The following DSG1 variants were observed in gnomAD, a reference collection of about 807,000 sequenced individuals.
The protein encoded by DSG1 is desmoglein 1.
In DSG1, 39 loss-of-function variants were observed where a neutral mutation model predicts 97.5. The observed-to-expected ratio is 0.40, with a 90% confidence interval of 0.31 to 0.52. The LOEUF (loss-of-function observed/expected upper bound fraction) is 0.52. Among genes scored for constraint, DSG1 ranks in the 20% least tolerant of loss-of-function variants. DSG1 has a pLI of 0.53. For missense variants in DSG1, 1,311 were observed against 1,295.4 expected (o/e 1.01, Z -0.18); for synonymous variants, 475 against 443.4 (o/e 1.07, Z -0.90).
chr18:31,333,724 G>A lies in DSG1; in HGVS notation c.819+1G>A. ...TATCCCTTACATGGAACAGTCTTCA[G>A]TAAGTATTTGTTCTTGGAATTAATA... On this transcript the variant is annotated splice_donor_variant, in intron 7 of 14. Transcript: ENST00000257192. LOFTEE classifies it high-confidence loss of function. 1 of 1,613,466 alleles carries A rather than the reference G, an allele frequency of 6.2e-7. No individual in the cohort carries two copies. Among genetic ancestry groups the A allele is most frequent in the Non-Finnish European group, 8.5e-7 (1 of 1,179,476 alleles).
At chr18:31,322,096 T>C (rs1381477590) in intron 1 of DSG1, among the ~76,000 whole-genome samples, 8 of 152,372 alleles carry the variant, frequency 5.3e-5, no homozygotes, top group Admixed American at 5.2e-4. Context: ...TCTATGAGAA[T>C]AGGCCACAGT....
At chr18:31,337,895 CAG>C (rs1013771694) in intron 9 of DSG1, among the ~76,000 whole-genome samples, 30 of 152,208 alleles carry the variant, frequency 2.0e-4, no homozygotes, top group South Asian at 4.1e-4. Context: ...GGAGCAGAAA[CAG>C]GGGGGAAGTT....
At chr18:31,330,075 C>T (rs943681941) in intron 5 of DSG1, 39 bp downstream of exon 5, 2 of 1,609,830 alleles carry the variant, frequency 1.2e-6, no homozygotes, top group Non-Finnish European at 1.7e-6. Context: ...TCCTAACAGC[C>T]AGGCACCTAA....
intron 1 of DSG1, among the ~76,000 whole-genome samples, chr18:31,324,298 T>A (rs868072111): frequency 6.6e-6 from 1 of 151,618 alleles, no homozygotes; most frequent in Middle Eastern, 3.2e-3. Flanking sequence ...TTCCTTTTTT[T>A]TTTTTTTGTT....
At chr18:31,318,423 G>A in intron 1 of DSG1, 75 bp downstream of exon 1, 1 of 1,189,534 alleles carries the variant, frequency 8.4e-7, no homozygotes, top group Non-Finnish European at 1.3e-6. Flanking sequence ...GAAAATGTTA[G>A]TGGGCATTAT....
At chr18:31,320,376 A>G (rs574415597) in intron 1 of DSG1, among the ~76,000 whole-genome samples, 2 of 152,282 alleles carry the variant, frequency 1.3e-5, no homozygotes, top group African/African-American at 4.8e-5. Context: ...GTATTTGTAC[A>G]ATTGTTAAGG....
intron 7 of DSG1, 128 bp from the exon 8 acceptor site, chr18:31,333,889 T>A: frequency 8.7e-7 from 1 of 1,149,622 alleles, no homozygotes; most frequent in East Asian, 2.4e-5. Context: ...AGTTAAGCAA[T>A]GAAAAATGAG....
rs1207038430 is a variant in DSG1 at position 31,355,821 on chromosome 18, G to A, written c.*475G>A. The A allele has an allele frequency of 1.2e-5, 2 of 162,650 alleles. No homozygotes were observed. The highest frequency in any genetic ancestry group is 4.8e-5 in the African/African-American group (2 of 41,584). 10.1% of individuals were successfully genotyped at this position (162,650 alleles called of 1,614,324 possible). A position where few individuals can be genotyped will look rare whatever the true frequency, so the allele number is the denominator to read the frequency against. On this transcript the variant is annotated 3_prime_UTR_variant, in exon 15 of 15. Transcript: ENST00000257192. ...AATTCAACCACAGATTTATACAAGG[G>A]TTAACCATTTTTTTTAAGTTTGACT...
intron 1 of DSG1, among the ~76,000 whole-genome samples, chr18:31,323,628 G>T (rs370591286): frequency 1.3e-5 from 2 of 151,592 alleles, no homozygotes; most frequent in East Asian, 1.9e-4. Flanking sequence ...AAATCCTTAG[G>T]TTACCCTCTC....
rs2071954405 is a variant in DSG1, at chr18:31,355,971, G to A, written c.*625G>A. 6.5e-6 allele frequency: 1 copy of A among 153,620 alleles called. No homozygotes were observed. Among genetic ancestry groups the A allele is most frequent in the Non-Finnish European group, 1.4e-5 (1 of 69,136 alleles). The allele number at this position is 153,620 out of a possible 1,614,324, so 9.5% of individuals were successfully genotyped here. A position where few individuals can be genotyped will look rare whatever the true frequency, so the allele number is the denominator to read the frequency against. ...CATTAGAGAGTGGCAATAGGATGAGGTTTCTTCAGGGTAAACTAGCAATGC... is the reference window on the plus strand; with the variant it reads ...CATTAGAGAGTGGCAATAGGATGAGATTTCTTCAGGGTAAACTAGCAATGC... On this transcript the variant is annotated 3_prime_UTR_variant, in exon 15 of 15. Transcript: ENST00000257192.
At position 31,354,979 on chromosome 18, in the gene DSG1, A is replaced by C. The variant is rs909513516; in HGVS notation, c.2783A>C (p.Gln928Pro). The C allele has an allele frequency of 2.5e-6, 4 of 1,614,106 alleles. No individual in the cohort carries two copies. The highest frequency in any genetic ancestry group is 1.7e-5 in the Admixed American group (1 of 60,008). ...GTGGTAGTGACAGAAAGAGTAATCC[A>C]ACCAACTTCCGGCATGATAGGTAGT... ...SNVVVTERVI[Q>P]PTSGMIGSLS... Residue 928 changes from glutamine to proline, a missense_variant, in exon 15 of 15, where the codon CAA becomes CCA. Physicochemically the swap from Gln to Pro is moderately conservative, Grantham distance 76. Transcript: ENST00000257192.
At position 31,354,554 on chromosome 18, in the gene DSG1, T is replaced by C. The variant is rs1273692954; in HGVS notation, c.2358T>C (p.Pro786=). 1 of 1,614,044 alleles carries C rather than the reference T, an allele frequency of 6.2e-7. No homozygotes were observed. The highest frequency in any genetic ancestry group is 8.5e-7 in the Non-Finnish European group (1 of 1,180,038). The stretch of plus-strand genomic sequence containing the variant: ...AAAGCACTGAACCAGTTTGCCTTCC[T>C]CAGGAAACAGAGCCCGTTGTTAGTG... ...PPQSTEPVCL[P]QETEPVVSGH... The change falls in exon 15 of 15, where the codon CCT becomes CCC. Residue 786 remains proline, a synonymous_variant. Coordinates refer to ENST00000257192, the MANE Select transcript of DSG1 (RefSeq NM_001942.4).
chr18:31,326,859 T>C lies in DSG1; in HGVS notation c.85-15T>C, dbSNP rs369939453. 1.4e-5 allele frequency: 23 copies of C among 1,612,372 alleles called. No homozygotes were observed. Among genetic ancestry groups the C allele is most frequent in the Non-Finnish European group, 2.0e-5 (23 of 1,178,580 alleles). On this transcript the variant is annotated splice_polypyrimidine_tract_variant and intron_variant, in intron 2 of 14. Coordinates refer to ENST00000257192, the MANE Select transcript of DSG1 (RefSeq NM_001942.4). ...CAAATTAATATATACCATTTCTTTA[T>C]TGCTGTCATTTAAGGTAAGAGATTA... is the stretch of plus-strand genomic sequence containing the variant.
chr18:31,340,109 C>G, intron 11 of DSG1, 84 bp downstream of exon 11: 1 of 1,372,908 alleles, frequency 7.3e-7, no homozygotes, highest in South Asian at 1.3e-5. Flanking sequence ...TTTGATAAAA[C>G]GTATTTTACA....
At chr18:31,332,265 G>A (rs1267564090) in intron 6 of DSG1, among the ~76,000 whole-genome samples, 1 of 152,036 alleles carries the variant, frequency 6.6e-6, no homozygotes, top group Non-Finnish European at 1.5e-5. Flanking sequence ...CGAGTATGCT[G>A]GAGGCTCCAG....
chr18:31,319,179 A>G (rs970473174), intron 1 of DSG1, among the ~76,000 whole-genome samples: 1 of 152,212 alleles, frequency 6.6e-6, no homozygotes, highest in African/African-American at 2.4e-5. Flanking sequence ...CTAATGTATT[A>G]TGTCAATTTC....
intron 14 of DSG1, 177 bp from the exon 15 acceptor site, chr18:31,354,120 C>A: frequency 1.6e-6 from 1 of 616,770 alleles, no homozygotes; most frequent in East Asian, 2.8e-5. Context: ...TGATTTCTAA[C>A]CAAATTATTT....
At chr18:31,319,053 G>A (rs2071637557) in intron 1 of DSG1, among the ~76,000 whole-genome samples, 1 of 152,150 alleles carries the variant, frequency 6.6e-6, no homozygotes, top group Admixed American at 6.5e-5. Context: ...TGTCAGTGAT[G>A]ACTGCGATAT....
chr18:31,333,837 T>C lies in DSG1; in HGVS notation c.819+114T>C. ...TGTTTATTGACATACAACCCAAATG[T>C]AGACACATACTTTTTTCTTGTGTTT... On this transcript the variant is annotated intron_variant, in intron 7 of 14. Transcript: ENST00000257192. The C allele has an allele frequency of 5.2e-6, 7 of 1,336,016 alleles. No individual in the cohort carries two copies. In the African/African-American group the frequency reaches 5.8e-5, roughly 11 times the overall value. 82.8% of individuals were successfully genotyped at this position (1,336,016 alleles called of 1,614,324 possible). A position where few individuals can be genotyped will look rare whatever the true frequency, so the allele number is the denominator to read the frequency against.
Sources: allele counts gnomAD v4.1 joint callset (sites outside exome capture counted in the v4.1 genomes callset), GRCh38; gene constraint gnomAD v4.1.1; transcripts MANE v1.5; gene names NCBI Gene and HGNC (gene_info 2026-07-23, HGNC 2026-07-21).